Variants in TEAD3 observed in about 807,000 individuals in gnomAD.
The protein encoded by TEAD3 is TEA domain transcription factor 3.
Under a neutral mutation model 55.6 loss-of-function variants are expected in TEAD3, and 15 were observed. That is an observed-to-expected ratio of 0.27 (90% CI 0.18 to 0.42). The LOEUF is 0.42. Ranked by LOEUF, TEAD3 falls within the 10% of genes least tolerant of loss-of-function variation. TEAD3 has a pLI of 1.00. For synonymous variants in TEAD3, 210 were observed against 232.2 expected (o/e 0.90, Z 0.87); for missense variants, 407 against 576.8 (o/e 0.71, Z 3.01).
chr6:35,483,636 G>T lies in TEAD3; in HGVS notation c.267+924C>A, dbSNP rs1349338883. Among the ~76,000 whole-genome samples, 1 of 152,020 alleles carries T rather than the reference G, an allele frequency of 6.6e-6. No individual in the cohort carries two copies. Among genetic ancestry groups the T allele is most frequent in the African/African-American group, 2.4e-5 (1 of 41,376 alleles). Reference sequence around the variant, plus strand: ...TCCAGCCAGCCCTCTCTAATCCATTGTCCCGGCTGCTTGAGGGCCTTCCTC... The same window carrying T: ...TCCAGCCAGCCCTCTCTAATCCATTTTCCCGGCTGCTTGAGGGCCTTCCTC... On this transcript the variant is annotated intron_variant, in intron 3 of 12. Coordinates refer to ENST00000639578, the Ensembl canonical transcript of TEAD3. The surrounding 1 kb of genome is among the most constrained non-coding windows in gnomAD (Gnocchi z 4.5).
At chr6:35,479,052 G>T (rs1441101161) in intron 5 of TEAD3, among the ~76,000 whole-genome samples, 3 of 151,872 alleles carry the variant, frequency 2.0e-5, no homozygotes, top group African/African-American at 7.3e-5. Context: ...GCTAATTTTT[G>T]TATTTTTAGT....
chr6:35,482,110 G>A (rs912548452), intron 3 of TEAD3, among the ~76,000 whole-genome samples: 3 of 152,012 alleles, frequency 2.0e-5, no homozygotes, highest in East Asian at 3.9e-4. Flanking sequence ...TTAGCCTCCC[G>A]AATAGCTGAG....
At chr6:35,490,787 G>T (rs569299287) in intron 1 of TEAD3, among the ~76,000 whole-genome samples, 1 of 152,344 alleles carries the variant, frequency 6.6e-6, no homozygotes, top group African/African-American at 2.4e-5. Context: ...TGGCTCCCTG[G>T]ACAGGTGCGG....
chr6:35,478,831 T>C (rs1006395947), intron 5 of TEAD3, among the ~76,000 whole-genome samples: 1 of 152,060 alleles, frequency 6.6e-6, no homozygotes, highest in African/African-American at 2.4e-5. Context: ...GGCCAATATA[T>C]GTCAAGATAT....
At position 35,480,369 on chromosome 6, in the gene TEAD3, G is replaced by T. The variant is rs199921909; in HGVS notation, c.268-247C>A. 111 of 1,613,932 alleles carry T rather than the reference G, an allele frequency of 6.9e-5. No individual in the cohort carries two copies. The African/African-American group carries it at 1.3e-3, about 19-fold the overall frequency. ...TCCGAGCTAGAACCTGTATGTGGCT[G>T]GACACCTAGGGGCCGCCCCGCGCCC... On this transcript the variant is annotated intron_variant, in intron 3 of 12. Transcript: ENST00000639578.
chr6:35,495,740 G>A (rs72894791), intron 1 of TEAD3, among the ~76,000 whole-genome samples: 7,636 of 152,214 alleles, frequency 0.05, 246 homozygotes, highest in South Asian at 0.081. Flanking sequence ...CACTGGGGTG[G>A]AACATGTGTA....
intron 1 of TEAD3, among the ~76,000 whole-genome samples, chr6:35,495,217 C>A (rs578151309): frequency 6.6e-6 from 1 of 152,332 alleles, no homozygotes; most frequent in South Asian, 2.1e-4. Context: ...TTGAGAATAT[C>A]AAATCCTCCC....
chr6:35,486,714 G>A lies in TEAD3; in HGVS notation c.-49-3C>T. On this transcript the variant is annotated splice_polypyrimidine_tract_variant and splice_region_variant and intron_variant, in intron 1 of 12. Coordinates refer to ENST00000639578, the Ensembl canonical transcript of TEAD3. The surrounding 1 kb of genome is among the most constrained non-coding windows in gnomAD (Gnocchi z 7.3). Reference sequence around the variant, plus strand: ...CTGAGCCCACTGGGCGGCTGAGCCTGGGGGACAGACAGACAGGAACTGGGA... The same window carrying A: ...CTGAGCCCACTGGGCGGCTGAGCCTAGGGGACAGACAGACAGGAACTGGGA... 6.3e-7 allele frequency: 1 copy of A among 1,582,026 alleles called. No individual in the cohort carries two copies. The highest frequency in any genetic ancestry group is 8.6e-7 in the Non-Finnish European group (1 of 1,160,120).
rs562596389 is a variant in TEAD3, at chr6:35,493,053, G to C, written c.-50+3845C>G. On this transcript the variant is annotated intron_variant, in intron 1 of 12. Coordinates refer to ENST00000639578, the Ensembl canonical transcript of TEAD3. ...AGCCACTCAGTCAGTGCCCTCATGA[G>C]AGTCACGGTGTCATCTAAGAACAAA... 1.4e-4 allele frequency among the ~76,000 whole-genome samples: 22 copies of C among 152,274 alleles called. 1 individual carries two copies. In the South Asian group the frequency reaches 4.1e-3, roughly 29 times the overall value.
In TEAD3 at chr6:35,478,455, G is replaced by A. The variant is rs34522601; in HGVS notation, c.459C>T (p.Ala153=). 363 of 1,613,484 alleles carry A rather than the reference G, an allele frequency of 2.2e-4. 1 individual carries two copies. The African/African-American group carries it at 4.2e-3, about 19-fold the overall frequency. Reference sequence around the variant, plus strand: ...GTACCCGCGAGGAAGTGGAGAAGACGGCCTGGGGCAGAGGGGAAGGTGGGC... The same window carrying A: ...GTACCCGCGAGGAAGTGGAGAAGACAGCCTGGGGCAGAGGGGAAGGTGGGC... The change falls in exon 6 of 13, where the codon GCC becomes GCT. Residue 153 remains alanine (A), a synonymous_variant. Transcript: ENST00000639578.
chr6:35,477,209 C>T (rs1179948489), intron 8 of TEAD3, 102 bp downstream of exon 8: 56 of 1,271,978 alleles, frequency 4.4e-5, no homozygotes, highest in Non-Finnish European at 5.6e-5. Context: ...CTGTAGATGT[C>T]GCAACCCCCT....
In TEAD3 at chr6:35,491,013, C is replaced by T. The variant is rs1768504313; in HGVS notation, c.-49-4302G>A. ...GAGGGAGACCAAGGCCGGGGTGGGGCCTGAGACAGACAGGAGGGGCAGGGG... is the reference window on the plus strand; with the variant it reads ...GAGGGAGACCAAGGCCGGGGTGGGGTCTGAGACAGACAGGAGGGGCAGGGG... On this transcript the variant is annotated intron_variant, in intron 1 of 12. Coordinates refer to ENST00000639578, the Ensembl canonical transcript of TEAD3. This position sits in a 1 kb window ranked among gnomAD's most constrained non-coding sequence, Gnocchi z 4.4. Among the ~76,000 whole-genome samples the T allele has an allele frequency of 6.6e-6, 1 of 151,738 alleles. No homozygotes were observed. Among genetic ancestry groups the T allele is most frequent in the Admixed American group, 6.6e-5 (1 of 15,226 alleles).
chr6:35,486,519 G>A lies in TEAD3; in HGVS notation c.144C>T (p.Ala48=). ...TCCGCCGGCCGCAGGGCGGGTAGAT[G>A]GCCAGGGCCTCCTGGAAGCTCTGCT... Residue 48 remains alanine (A), a synonymous_variant, in exon 2 of 13, where the codon GCC becomes GCT. Coordinates refer to ENST00000639578, the Ensembl canonical transcript of TEAD3. The surrounding 1 kb of genome is among the most constrained non-coding windows in gnomAD (Gnocchi z 7.3). The A allele has an allele frequency of 6.2e-7, 1 of 1,613,654 alleles. No homozygotes were observed. The highest frequency in any genetic ancestry group is 8.5e-7 in the Non-Finnish European group (1 of 1,179,790).
chr6:35,478,325 C>G lies in TEAD3; in HGVS notation c.481-1G>C. On this transcript the variant is annotated splice_acceptor_variant, in intron 6 of 12. Transcript: ENST00000639578. LOFTEE classifies it high-confidence loss of function. ...CCAGGAGAGGGGGGCTGCTCCAGAA[C>G]TGCAGGGATGAGACAAGGCCCAGGG... is the stretch of plus-strand genomic sequence containing the variant. The G allele has an allele frequency of 6.2e-7, 1 of 1,613,900 alleles. No individual in the cohort carries two copies. The highest frequency in any genetic ancestry group is 8.5e-7 in the Non-Finnish European group (1 of 1,179,874).
At position 35,491,300 on chromosome 6, in the gene TEAD3, A is replaced by T. The variant is rs1244111154; in HGVS notation, c.-49-4589T>A. Among the ~76,000 whole-genome samples, 3 of 145,306 alleles carry T rather than the reference A, an allele frequency of 2.1e-5. No homozygotes were observed. The highest frequency in any genetic ancestry group is 7.6e-5 in the African/African-American group (3 of 39,542). ...GAGAAGGGGAGAAGGAGGGCAGGGGAGGGGCACAGACAAGGCAACCAACAA... is the reference window on the plus strand; with the variant it reads ...GAGAAGGGGAGAAGGAGGGCAGGGGTGGGGCACAGACAAGGCAACCAACAA... On this transcript the variant is annotated intron_variant, in intron 1 of 12. Transcript: ENST00000639578. The surrounding 1 kb of genome is among the most constrained non-coding windows in gnomAD (Gnocchi z 4.4).
At chr6:35,494,894 T>C (rs1403895349) in intron 1 of TEAD3, among the ~76,000 whole-genome samples, 1 of 125,530 alleles carries the variant, frequency 8.0e-6, no homozygotes, top group African/African-American at 3.0e-5. Context: ...TTTTCAGCCC[T>C]GTTCATCTGG....
In TEAD3 at chr6:35,496,715, T is replaced by C. The variant is rs1263668037; in HGVS notation, c.-50+183A>G. On this transcript the variant is annotated intron_variant, in intron 1 of 12. Transcript: ENST00000639578. The surrounding 1 kb of genome is among the most constrained non-coding windows in gnomAD (Gnocchi z 4.8). Reference sequence around the variant, plus strand: ...GGTGGGGAGGGCGGGGGGCGGGGCTTCCCGGAGAGATTTTCCCCCTTCCCT... The same window carrying C: ...GGTGGGGAGGGCGGGGGGCGGGGCTCCCCGGAGAGATTTTCCCCCTTCCCT... 6.6e-6 allele frequency among the ~76,000 whole-genome samples: 1 copy of C among 151,010 alleles called. No individual in the cohort carries two copies.
rs563119387 is a variant in TEAD3 at position 35,485,572 on chromosome 6, A to T, written c.202+889T>A. On this transcript the variant is annotated intron_variant, in intron 2 of 12. Transcript: ENST00000639578. The surrounding 1 kb of genome is among the most constrained non-coding windows in gnomAD (Gnocchi z 4.3). ...AGCCCCATTGCTCCTCCCTCCCGCC[A>T]GCCCCTCTCCACCCCACTCTCTCCA... is the stretch of plus-strand genomic sequence containing the variant. Among the ~76,000 whole-genome samples, 81 of 151,698 alleles carry T rather than the reference A, an allele frequency of 5.3e-4. No individual in the cohort carries two copies. The highest frequency in any genetic ancestry group is 9.3e-4 in the Non-Finnish European group (63 of 67,874).
At chr6:35,494,305 T>C (rs1385773790) in intron 1 of TEAD3, among the ~76,000 whole-genome samples, 1 of 152,198 alleles carries the variant, frequency 6.6e-6, no homozygotes, top group Non-Finnish European at 1.5e-5. Flanking sequence ...GGGCTGAGGC[T>C]TTAGGGATGT....
Sources: gnomAD v4.1 joint callset for allele counts (sites outside exome capture counted in the v4.1 genomes callset) on GRCh38, gnomAD v4.1.1 for gene constraint, Gnocchi (gnomAD v3.1) non-coding constraint, MANE v1.5 for transcripts, NCBI Gene and HGNC (gene_info 2026-07-23, HGNC 2026-07-21) for gene names.